CEP72: variants seen among roughly 807,000 people sequenced by gnomAD.
CEP72 encodes the protein centrosomal protein of 72 kDa.
CEP72 carries 78 observed loss-of-function variants against 65.7 expected under a neutral mutation model. The observed-to-expected ratio is 1.19, with a 90% CI of 0.99 to 1.43. The LOEUF is 1.43. Among genes scored for constraint, CEP72 ranks in the 40% most tolerant of loss-of-function variants. CEP72 has a pLI of 0.00. For missense variants in CEP72, 914 were observed against 832.9 expected, an observed-to-expected ratio of 1.10 and a Z score of -1.20; for synonymous variants, 358 against 351.7, an observed-to-expected ratio of 1.02 and a Z score of -0.20.
At chr5:655,683 C>A (rs945975169), downstream of CEP72, 1 of 152,232 alleles carries the variant, frequency 6.6e-6, no homozygotes, top group Non-Finnish European at 1.5e-5. This position sits in a 1 kb window ranked among gnomAD's most constrained non-coding sequence, Gnocchi z 5.0. Context: ...TTTCTGGTTT[C>A]ATTGGCTTCT....
intron 3 of CEP72, among the ~76,000 whole-genome samples, chr5:621,543 G>A (rs563844490): frequency 1.3e-5 from 2 of 152,250 alleles, no homozygotes; most frequent in Non-Finnish European, 2.9e-5. Context: ...TGAACACCCG[G>A]CAGCCCTCAC....
At chr5:642,458 CTGA>C in intron 9 of CEP72, 1 of 985,486 alleles carries the variant, frequency 1.0e-6, no homozygotes, top group South Asian at 4.7e-5. Context: ...GGCGCCGTCA[CTGA>C]TGATGTCTTT....
At chr5:649,959 A>G in intron 11 of CEP72, among the ~76,000 whole-genome samples, 1 of 53,728 alleles carries the variant, frequency 1.9e-5, no homozygotes, top group Non-Finnish European at 3.0e-5. Context: ...CGTGACTGTG[A>G]GGCGTGGACT....
intron 9 of CEP72, chr5:642,085 C>T (rs896544167): frequency 1.8e-5 from 18 of 983,264 alleles, no homozygotes; most frequent in African/African-American, 1.4e-4. Context: ...CGTGGTCCCC[C>T]GTCCAGAAGC....
At chr5:674,843 G>A in the CEP72 span, among the ~76,000 whole-genome samples, 7 of 151,696 alleles carry the variant, frequency 4.6e-5, no homozygotes, top group African/African-American at 1.7e-4. Flanking sequence ...TGTGGATGAT[G>A]TGGGAGCTCC....
downstream of CEP72, among the ~76,000 whole-genome samples, chr5:668,847 C>T (rs562651878): frequency 6.6e-5 from 10 of 152,360 alleles, no homozygotes; most frequent in East Asian, 3.9e-4. Context: ...CCCCACCCCT[C>T]GAGAACAAGC....
chr5:617,673 C>T (rs958746265), intron 1 of CEP72, among the ~76,000 whole-genome samples: 2 of 152,316 alleles, frequency 1.3e-5, no homozygotes, highest in East Asian at 1.9e-4. Context: ...GCACCTGAGA[C>T]GATGCCTGAG....
chr5:658,914 C>T (rs575040386), downstream of CEP72, among the ~76,000 whole-genome samples: 15 of 152,190 alleles, frequency 9.9e-5, no homozygotes, highest in African/African-American at 3.1e-4. Flanking sequence ...GTGATCTGCC[C>T]GCCTCGGCCT....
downstream of CEP72, among the ~76,000 whole-genome samples, chr5:671,257 G>T (rs1480827390): frequency 1.3e-5 from 2 of 152,150 alleles, no homozygotes; most frequent in African/African-American, 4.8e-5. Context: ...GAGGGGCGGG[G>T]GTGGGGCGTG....
rs771092261 is a variant in CEP72, at chr5:612,376, C to T, written c.15C>T (p.Gly5=). MARA[G]PRLVLSEEAV... is the part of the protein sequence containing the mutation. ...CCGTTTGAAACATGGCGCGGGCTGG[C>T]CCTCGGCTGGTGCTGAGCGAGGAGG... The change falls in exon 1 of 12, where the codon GGC becomes GGT. Residue 5 remains glycine, a synonymous_variant. Coordinates refer to ENST00000264935, the MANE Select transcript of CEP72 (RefSeq NM_018140.4). 1.3e-6 allele frequency: 2 copies of T among 1,491,250 alleles called. No homozygotes were observed. The highest frequency in any genetic ancestry group is 1.8e-6 in the Non-Finnish European group (2 of 1,125,686). 92.4% of individuals were successfully genotyped at this position (1,491,250 alleles called of 1,614,324 possible).
chr5:625,456 C>T (rs1311224505), intron 4 of CEP72, among the ~76,000 whole-genome samples: 4 of 152,232 alleles, frequency 2.6e-5, no homozygotes, highest in Non-Finnish European at 5.9e-5. Context: ...ATCTTCTTAG[C>T]TCTGCCTTTG....
intron 4 of CEP72, among the ~76,000 whole-genome samples, chr5:629,414 G>A (rs146418788): frequency 3.2e-4 from 49 of 151,780 alleles, no homozygotes; most frequent in African/African-American, 1.1e-3. Flanking sequence ...GTCCAGTGCC[G>A]GGATTTGGAC....
intron 11 of CEP72, among the ~76,000 whole-genome samples, chr5:649,117 T>C (rs111351330): frequency 2.4e-3 from 228 of 93,906 alleles, no homozygotes; most frequent in Non-Finnish European, 3.4e-3. Flanking sequence ...GACTGTGAGG[T>C]GTGAATGTGA....
At chr5:616,697 G>A (rs1385597373) in intron 1 of CEP72, among the ~76,000 whole-genome samples, 2 of 152,160 alleles carry the variant, frequency 1.3e-5, no homozygotes, top group African/African-American at 2.4e-5. Context: ...GGCTGGGAGA[G>A]TGAAGGGCAC....
intron 6 of CEP72, 84 bp from the exon 7 acceptor site, chr5:637,433 C>G: frequency 8.0e-7 from 1 of 1,250,846 alleles, no homozygotes; most frequent in Non-Finnish European, 1.1e-6. Flanking sequence ...CATGGGCACA[C>G]ACATGCCTTT....
intron 2 of CEP72, among the ~76,000 whole-genome samples, 168 bp downstream of exon 2, chr5:619,285 C>T (rs551761246): frequency 3.0e-4 from 46 of 152,334 alleles, no homozygotes; most frequent in Middle Eastern, 3.4e-3. Flanking sequence ...ATACACATCA[C>T]GTTACGTTGT....
chr5:666,059 T>C (rs767137996), exon 4 of CEP72: 3 of 1,612,266 alleles, frequency 1.9e-6, no homozygotes, highest in South Asian at 2.2e-5. Context: ...TTGAATCGCT[T>C]CTTGGCGAGC....
At chr5:649,714 G>T (rs555646722) in intron 11 of CEP72, among the ~76,000 whole-genome samples, 1 of 88,348 alleles carries the variant, frequency 1.1e-5, no homozygotes, top group East Asian at 3.7e-4. Flanking sequence ...GGACTGTGAG[G>T]GGTGACCGTG....
In CEP72 at chr5:624,616, C is replaced by A; in HGVS notation, c.512+37C>A. Reference sequence around the variant, plus strand: ...AGTGCTACGGACACCCAGAGTGTTTCTGACTGGCCTGCTGTCAGGAGGATT... The same window carrying A: ...AGTGCTACGGACACCCAGAGTGTTTATGACTGGCCTGCTGTCAGGAGGATT... On this transcript the variant is annotated intron_variant, in intron 4 of 11. Transcript: ENST00000264935. The surrounding 1 kb of genome is among the most constrained non-coding windows in gnomAD (Gnocchi z 4.7). 1.4e-6 allele frequency: 2 copies of A among 1,389,016 alleles called. No individual in the cohort carries two copies. Among genetic ancestry groups the A allele is most frequent in the Non-Finnish European group, 2.1e-6 (2 of 974,762 alleles). 86.0% of individuals were successfully genotyped at this position (1,389,016 alleles called of 1,614,324 possible).
Sources: gnomAD v4.1 joint callset for allele counts (sites outside exome capture counted in the v4.1 genomes callset) on GRCh38, gnomAD v4.1.1 for gene constraint, Gnocchi (gnomAD v3.1) non-coding constraint, MANE v1.5 for transcripts, NCBI Gene and HGNC (gene_info 2026-07-23, HGNC 2026-07-21) for gene names.